The following TMEM8B variants were observed in gnomAD, a reference collection of about 807,000 sequenced individuals.
TMEM8B encodes transmembrane protein 8B, also known as nasopharyngeal carcinoma expressed 6.
In TMEM8B, 29 loss-of-function variants were observed where a neutral mutation model predicts 49.3. The ratio of observed to expected loss-of-function variants is 0.59; its 90% CI spans 0.44 to 0.80. TMEM8B has a LOEUF of 0.80. Ranked by LOEUF, TMEM8B falls within the 30% of genes least tolerant of loss-of-function variation. The probability of loss-of-function intolerance (pLI) is 0.00; values close to 1 mark genes in which losing one functional copy is unlikely to be tolerated. For synonymous variants in TMEM8B, 264 were observed against 272.8 expected (o/e 0.97, Z 0.32); for missense variants, 575 against 658.5 (o/e 0.87, Z 1.39).
Position 35,842,726 on chromosome 9 carries a change from T to C in TMEM8B, c.1635+9T>C. On this transcript the variant is annotated intron_variant, in intron 6 of 12. Coordinates refer to ENST00000643932, the MANE Select transcript of TMEM8B (RefSeq NM_001042590.4). This position sits in a 1 kb window ranked among gnomAD's most constrained non-coding sequence, Gnocchi z 5.6. Reference sequence around the variant, plus strand: ...AGCTCCAGCTCAATGCGGTACTCTTTATGGAGAGTGGGGAGGTTGCTCTGC... The same window carrying C: ...AGCTCCAGCTCAATGCGGTACTCTTCATGGAGAGTGGGGAGGTTGCTCTGC... 6.2e-7 allele frequency: 1 copy of C among 1,602,444 alleles called. No individual in the cohort carries two copies. The highest frequency in any genetic ancestry group is 1.3e-5 in the African/African-American group (1 of 74,748).
chr9:35,840,521 G>T (rs970882331), intron 3 of TMEM8B, among the ~76,000 whole-genome samples: 1 of 152,154 alleles, frequency 6.6e-6, no homozygotes, highest in African/African-American at 2.4e-5. Flanking sequence ...TCTGGAGGTT[G>T]CCTGGGAAGT....
Position 35,854,369 on chromosome 9 carries a change from C to A in TMEM8B, c.*529C>A. The A allele has an allele frequency of 6.5e-6, 1 of 154,682 alleles. No individual in the cohort carries two copies. The allele number at this position is 154,682 out of a possible 1,614,324, so 9.6% of individuals were successfully genotyped here. ...GCTGGGACTGGGGCTGTCTGGGTGG[C>A]TGGTATCCTCGTTTGATACAGGTGG... On this transcript the variant is annotated 3_prime_UTR_variant, in exon 13 of 13. Coordinates refer to ENST00000643932, the MANE Select transcript of TMEM8B (RefSeq NM_001042590.4).
chr9:35,856,339 G>A lies in TMEM8B; in HGVS notation c.*2499G>A, dbSNP rs1004590012. ...GGGAACAGCAAGGGGGAATGCAGAG[G>A]CAGGAAAGACTGATATTTACTCCGG... On this transcript the variant is annotated 3_prime_UTR_variant, in exon 13 of 13. Coordinates refer to ENST00000643932, the MANE Select transcript of TMEM8B (RefSeq NM_001042590.4). 2 of 152,356 alleles carry A rather than the reference G, an allele frequency of 1.3e-5. No homozygotes were observed. The highest frequency in any genetic ancestry group is 6.5e-5 in the Admixed American group (1 of 15,278). The allele number at this position is 152,356 out of a possible 1,614,324, so 9.4% of individuals were successfully genotyped here.
chr9:35,860,528 C>T lies in TMEM8B; in HGVS notation c.*6688C>T, dbSNP rs904998370. On this transcript the variant is annotated 3_prime_UTR_variant, in exon 13 of 13. Transcript: ENST00000643932. ...CTCCCTGAGTCAGGTGAGATGAGCT[C>T]CGGAAGGCAGGTGGGTAATGGATGA... 6.6e-6 allele frequency: 1 copy of T among 152,160 alleles called. No individual in the cohort carries two copies. The highest frequency in any genetic ancestry group is 1.5e-5 in the Non-Finnish European group (1 of 68,040). The allele number at this position is 152,160 out of a possible 1,614,324, so 9.4% of individuals were successfully genotyped here.
At position 35,842,711 on chromosome 9, in the gene TMEM8B, C is replaced by T; in HGVS notation, c.1629C>T (p.Leu543=). The change falls in exon 6 of 13, where the codon CTC becomes CTT. Residue 543 remains leucine (L), a synonymous_variant. Coordinates refer to ENST00000643932, the MANE Select transcript of TMEM8B (RefSeq NM_001042590.4). The surrounding 1 kb of genome is among the most constrained non-coding windows in gnomAD (Gnocchi z 5.6). ...GCGTCCTCAGCCTGGAGCTCCAGCTCAATGCGGTACTCTTTATGGAGAGTG... is the reference window on the plus strand; with the variant it reads ...GCGTCCTCAGCCTGGAGCTCCAGCTTAATGCGGTACTCTTTATGGAGAGTG... ...SGGVLSLELQ[L]NASSVRQENV... is the part of the protein sequence containing the mutation. 6.2e-7 allele frequency: 1 copy of T among 1,611,760 alleles called. No individual in the cohort carries two copies. Among genetic ancestry groups the T allele is most frequent in the South Asian group, 1.1e-5 (1 of 90,726 alleles).
In TMEM8B at chr9:35,842,242, C is replaced by G. The variant is rs1831083293; in HGVS notation, c.1310-150C>G. The G allele has an allele frequency of 3.5e-6, 2 of 564,004 alleles. No individual in the cohort carries two copies. The highest frequency in any genetic ancestry group is 5.8e-6 in the Non-Finnish European group (2 of 342,094). The allele number at this position is 564,004 out of a possible 1,614,324, so 34.9% of individuals were successfully genotyped here. A position where few individuals can be genotyped will look rare whatever the true frequency, so the allele number is the denominator to read the frequency against. Reference sequence around the variant, plus strand: ...TCACCATTAGGAAACCCCTATAAACCTGGATGCCCCACACTCCCAAGGGAC... The same window carrying G: ...TCACCATTAGGAAACCCCTATAAACGTGGATGCCCCACACTCCCAAGGGAC... On this transcript the variant is annotated intron_variant, in intron 5 of 12. Transcript: ENST00000643932. This position sits in a 1 kb window ranked among gnomAD's most constrained non-coding sequence, Gnocchi z 5.6.
rs368982832 is a variant in TMEM8B, at chr9:35,846,249, T to C, written c.1730-9T>C. ...CTCCCTCTCACTGACTCCTTCCTTC[T>C]CCCTTCAGAGTCCCTGGCCGGCTTC... On this transcript the variant is annotated splice_polypyrimidine_tract_variant and intron_variant, in intron 7 of 12. Coordinates refer to ENST00000643932, the MANE Select transcript of TMEM8B (RefSeq NM_001042590.4). 20 of 1,614,158 alleles carry C rather than the reference T, an allele frequency of 1.2e-5. No homozygotes were observed. The South Asian group carries it at 2.0e-4, about 16-fold the overall frequency.
rs888740772 is a variant in TMEM8B, at chr9:35,853,628, C to T, written c.2563C>T (p.Arg855Trp). Reference protein sequence around the residue: ...AVLLYAFVETRDNYFYIHSIW... With the variant: ...AVLLYAFVETWDNYFYIHSIW... Reference sequence around the variant, plus strand: ...CCTGCTTTATGCTTTTGTGGAGACCCGGGACAACTACTTCTACATTCACAG... The same window carrying T: ...CCTGCTTTATGCTTTTGTGGAGACCTGGGACAACTACTTCTACATTCACAG... Residue 855 changes from arginine to tryptophan, a missense_variant, in exon 13 of 13, where the codon CGG (arginine) becomes TGG (tryptophan). Transcript: ENST00000643932. The surrounding 1 kb of genome is among the most constrained non-coding windows in gnomAD (Gnocchi z 4.2). 9.3e-6 allele frequency: 15 copies of T among 1,614,094 alleles called. No individual in the cohort carries two copies. The highest frequency in any genetic ancestry group is 2.2e-5 in the South Asian group (2 of 91,090).
At chr9:35,833,270 T>C (rs1359977681) in intron 1 of TMEM8B, 1 of 978,960 alleles carries the variant, frequency 1.0e-6, no homozygotes, top group African/African-American at 1.8e-5. Context: ...CCCTCCAGAG[T>C]AGTCCTTATT....
chr9:35,838,272 C>T (rs745325745), intron 3 of TMEM8B, among the ~76,000 whole-genome samples: 1 of 152,140 alleles, frequency 6.6e-6, no homozygotes, highest in Non-Finnish European at 1.5e-5. Context: ...TCCAATTCCC[C>T]GCCCCAGAGT....
intron 10 of TMEM8B, 40 bp downstream of exon 10, chr9:35,847,035 G>T: frequency 6.2e-7 from 1 of 1,614,202 alleles, no homozygotes; most frequent in Non-Finnish European, 8.5e-7. Context: ...GGGTGCTTGT[G>T]CATGGTGGTG....
Position 35,841,043 on chromosome 9 carries a change from C to T in TMEM8B, c.907-91C>T. 4.9e-6 allele frequency: 2 copies of T among 412,212 alleles called. No individual in the cohort carries two copies. The highest frequency in any genetic ancestry group is 4.4e-6 in the Non-Finnish European group (1 of 226,050). 25.5% of individuals were successfully genotyped at this position (412,212 alleles called of 1,614,324 possible). Reference sequence around the variant, plus strand: ...GGAGTGGTGGCCGGGGCGGGGGTTTCTCCCCAGCCCGCCCAGCAGGTTCTG... The same window carrying T: ...GGAGTGGTGGCCGGGGCGGGGGTTTTTCCCCAGCCCGCCCAGCAGGTTCTG... On this transcript the variant is annotated intron_variant, in intron 3 of 12. Coordinates refer to ENST00000643932, the MANE Select transcript of TMEM8B (RefSeq NM_001042590.4). This position sits in a 1 kb window ranked among gnomAD's most constrained non-coding sequence, Gnocchi z 5.9.
At chr9:35,834,066 A>ACT (rs1239455075) in intron 1 of TMEM8B, among the ~76,000 whole-genome samples, 2 of 150,916 alleles carry the variant, frequency 1.3e-5, no homozygotes, top group African/African-American at 4.9e-5. Flanking sequence ...ACACACACAC[A>ACT]CACACCTTCC....
rs181804258 is a variant in TMEM8B at position 35,848,105 on chromosome 9, T to G, written c.2175+1110T>G. Among the ~76,000 whole-genome samples, 119 of 152,298 alleles carry G rather than the reference T, an allele frequency of 7.8e-4. 2 individuals are homozygous for G. The highest frequency in any genetic ancestry group is 7.6e-3 in the Admixed American group (117 of 15,298). ...GTCTAAATTAGAAAAATCATAGTTC[T>G]CATCTGGGAGAAAGCAGGGGCAAAT... On this transcript the variant is annotated intron_variant, in intron 10 of 12. Coordinates refer to ENST00000643932, the MANE Select transcript of TMEM8B (RefSeq NM_001042590.4).
At chr9:35,843,793 C>A (rs752180781) in intron 6 of TMEM8B, among the ~76,000 whole-genome samples, 1 of 152,110 alleles carries the variant, frequency 6.6e-6, no homozygotes, top group Non-Finnish European at 1.5e-5. Flanking sequence ...GACGGAGTCT[C>A]ACTCTGTTGC....
chr9:35,846,952 T>G lies in TMEM8B; in HGVS notation c.2132T>G (p.Val711Gly), dbSNP rs764295703. The change falls in exon 10 of 13, where the codon GTG becomes GGG. Residue 711 changes from valine (V) to glycine (G), a missense_variant. Physicochemically the swap from Val to Gly is moderately radical, Grantham distance 109. Coordinates refer to ENST00000643932, the MANE Select transcript of TMEM8B (RefSeq NM_001042590.4). ...GTCCTGGCCATTCGGAGTCGATATG[T>G]GCTGGAAGCTGCAGTCTACACCTTC... ...PVVLAIRSRY[V>G]LEAAVYTFTM... 1 of 1,614,206 alleles carries G rather than the reference T, an allele frequency of 6.2e-7. No homozygotes were observed. Among genetic ancestry groups the G allele is most frequent in the Non-Finnish European group, 8.5e-7 (1 of 1,180,024 alleles).
intron 1 of TMEM8B, 84 bp from the exon 2 acceptor site, chr9:35,834,377 T>A (rs1357424020): frequency 9.9e-6 from 4 of 402,866 alleles, no homozygotes; most frequent in Non-Finnish European, 1.8e-5. Context: ...TTGATGCTAT[T>A]GGTGAGGAAG....
chr9:35,863,982 G>GA lies in TMEM8B; in HGVS notation c.*10143dup, dbSNP rs1450859358. 6.6e-6 allele frequency: 1 copy of GA among 152,248 alleles called. No homozygotes were observed. Among genetic ancestry groups the GA allele is most frequent in the Non-Finnish European group, 1.5e-5 (1 of 68,076 alleles). 9.4% of individuals were successfully genotyped at this position (152,248 alleles called of 1,614,324 possible). On this transcript the variant is annotated 3_prime_UTR_variant, in exon 13 of 13. Transcript: ENST00000643932. ...GAAGATCAGAGTCACAGAGGGATAG[G>GA]ACCTGGAGTGTCTCTGAAAATAGCT... is the stretch of plus-strand genomic sequence containing the variant.
intron 1 of TMEM8B, among the ~76,000 whole-genome samples, chr9:35,830,659 T>G (rs1215824260): frequency 6.6e-6 from 1 of 151,846 alleles, no homozygotes; most frequent in East Asian, 1.9e-4. Context: ...TAGTGTGTTT[T>G]TTTTTATCCA....
Sources: gnomAD v4.1 joint callset for allele counts (sites outside exome capture counted in the v4.1 genomes callset) on GRCh38, gnomAD v4.1.1 for gene constraint, Gnocchi (gnomAD v3.1) non-coding constraint, MANE v1.5 for transcripts, NCBI Gene and HGNC (gene_info 2026-07-23, HGNC 2026-07-21) for gene names.